ITGB8: variants seen among roughly 807,000 people sequenced by gnomAD.
ITGB8 encodes integrin subunit beta 8, also known as integrin beta-8.
In ITGB8, 30 loss-of-function variants were observed where a neutral mutation model predicts 89.5. The observed-to-expected ratio is 0.34, with a 90% CI of 0.25 to 0.45. The LOEUF is 0.45. Among genes scored for constraint, ITGB8 ranks in the 20% least tolerant of loss-of-function variants. The pLI is 1.00. For missense variants in ITGB8, 836 were observed against 933.3 expected (o/e 0.90, Z 1.36); for synonymous variants, 335 against 320.4 (o/e 1.05, Z -0.49).
At chr7:20,346,091 G>A (rs1784913167) in intron 1 of ITGB8, among the ~76,000 whole-genome samples, 1 of 152,152 alleles carries the variant, frequency 6.6e-6, no homozygotes, top group South Asian at 2.1e-4. Context: ...CTGGGGGTGG[G>A]ATGATTAGGG....
chr7:20,378,316 C>G (rs1019574244), intron 3 of ITGB8, among the ~76,000 whole-genome samples: 1 of 152,156 alleles, frequency 6.6e-6, no homozygotes, highest in African/African-American at 2.4e-5. Context: ...CTCATGGGCC[C>G]CCTCCTCAGC....
At chr7:20,397,194 T>C (rs776044597) in intron 8 of ITGB8, among the ~76,000 whole-genome samples, 1 of 151,610 alleles carries the variant, frequency 6.6e-6, no homozygotes, top group Non-Finnish European at 1.5e-5. Flanking sequence ...TGAAAAACAT[T>C]GGCCTAACTA....
intron 3 of ITGB8, among the ~76,000 whole-genome samples, chr7:20,369,242 T>C (rs1244612978): frequency 1.3e-5 from 2 of 152,138 alleles, no homozygotes; most frequent in East Asian, 3.9e-4. Flanking sequence ...AATAGAAAAA[T>C]AATAAACAGT....
intron 3 of ITGB8, among the ~76,000 whole-genome samples, chr7:20,376,867 C>T (rs1019291741): frequency 2.6e-5 from 4 of 152,210 alleles, no homozygotes; most frequent in African/African-American, 9.7e-5. Context: ...TCTACCAAGG[C>T]CTCAGCTGAC....
rs1348493536 is a variant in ITGB8 at position 20,382,474 on chromosome 7, A to C, written c.960+589A>C. Among the ~76,000 whole-genome samples, 8 of 152,344 alleles carry C rather than the reference A, an allele frequency of 5.3e-5. No homozygotes were observed. The South Asian group carries it at 1.7e-3, about 32-fold the overall frequency. On this transcript the variant is annotated intron_variant, in intron 6 of 13. Transcript: ENST00000222573. ...TCATATATTTAATATAATCACCTAGAACCATATCTTCCCTGGCATTATCTA... is the reference window on the plus strand; with the variant it reads ...TCATATATTTAATATAATCACCTAGCACCATATCTTCCCTGGCATTATCTA...
intron 3 of ITGB8, among the ~76,000 whole-genome samples, chr7:20,370,706 G>A (rs900071728): frequency 2.0e-5 from 3 of 151,856 alleles, no homozygotes; most frequent in Non-Finnish European, 4.4e-5. Flanking sequence ...TGCCTCCTGG[G>A]TTCAAGTAAT....
intron 1 of ITGB8, among the ~76,000 whole-genome samples, chr7:20,337,454 AACG>A (rs201646941): frequency 1.3e-3 from 205 of 152,298 alleles, no homozygotes; most frequent in African/African-American, 4.6e-3. Flanking sequence ...AAAAAATAAC[AACG>A]ATTAAGTTTT....
At chr7:20,378,996 T>C in intron 3 of ITGB8, 55 bp from the exon 4 acceptor site, 1 of 1,425,412 alleles carries the variant, frequency 7.0e-7, no homozygotes, top group Non-Finnish European at 9.4e-7. Flanking sequence ...ATTAAGAGCT[T>C]ATCCTGAAAA....
At chr7:20,337,550 T>G (rs1418973301) in intron 1 of ITGB8, among the ~76,000 whole-genome samples, 1 of 152,254 alleles carries the variant, frequency 6.6e-6, no homozygotes. Context: ...TACAACCCTG[T>G]TAGTTATATA....
chr7:20,365,363 T>A (rs1444809821), intron 2 of ITGB8: 1 of 152,172 alleles, frequency 6.6e-6, no homozygotes, highest in East Asian at 1.9e-4. Flanking sequence ...TGCAGCCTAG[T>A]TTATGTATTG....
intron 1 of ITGB8, among the ~76,000 whole-genome samples, chr7:20,338,478 C>T (rs1359049263): frequency 6.6e-6 from 1 of 151,832 alleles, no homozygotes; most frequent in East Asian, 1.9e-4. Flanking sequence ...ACTAAAAATA[C>T]AAAAATTAGC....
At chr7:20,369,074 AG>A (rs1328236052) in intron 3 of ITGB8, among the ~76,000 whole-genome samples, 1 of 152,194 alleles carries the variant, frequency 6.6e-6, no homozygotes, top group South Asian at 2.1e-4. Context: ...TGAATTTAAG[AG>A]TAAGTTGTTA....
rs1410385503 is a variant in ITGB8, at chr7:20,412,753, T to A, written c.*2756T>A. On this transcript the variant is annotated 3_prime_UTR_variant, in exon 14 of 14. Transcript: ENST00000222573. Reference sequence around the variant, plus strand: ...TTGTATTTTACTTGAATAATTGATATCTTCCTGTGTAATGATTTGTGAGAT... The same window carrying A: ...TTGTATTTTACTTGAATAATTGATAACTTCCTGTGTAATGATTTGTGAGAT... The A allele has an allele frequency of 2.0e-5, 3 of 152,608 alleles. No homozygotes were observed. The highest frequency in any genetic ancestry group is 7.2e-5 in the African/African-American group (3 of 41,442). 9.5% of individuals were successfully genotyped at this position (152,608 alleles called of 1,614,324 possible).
chr7:20,349,166 C>T (rs1388394315), intron 1 of ITGB8, among the ~76,000 whole-genome samples: 1 of 151,944 alleles, frequency 6.6e-6, no homozygotes, highest in Non-Finnish European at 1.5e-5. Context: ...ATTCAGAGTT[C>T]CTTTTTGTCT....
intron 6 of ITGB8, 145 bp downstream of exon 6, chr7:20,382,030 G>A (rs758218436): frequency 1.5e-6 from 1 of 653,086 alleles, no homozygotes; most frequent in Non-Finnish European, 2.6e-6. Context: ...AGAATTTATG[G>A]AACAGTGCAA....
At chr7:20,394,463 T>G (rs1172825646) in intron 7 of ITGB8, among the ~76,000 whole-genome samples, 1 of 152,256 alleles carries the variant, frequency 6.6e-6, no homozygotes, top group African/African-American at 2.4e-5. Flanking sequence ...ATTTCTAGAT[T>G]GCAGGCCTAC....
At chr7:20,352,350 A>C (rs187822387) in intron 1 of ITGB8, 1 of 152,346 alleles carries the variant, frequency 6.6e-6, no homozygotes, top group Admixed American at 6.5e-5. Context: ...TATTCAGCTA[A>C]ATAAGCAACT....
At chr7:20,332,051 A>AGGGGGC in intron 1 of ITGB8, 118 bp downstream of exon 1, 1 of 1,479,936 alleles carries the variant, frequency 6.8e-7, no homozygotes. Context: ...GAGAACTTCA[A>AGGGGGC]GGGGGCGGGT....
intron 1 of ITGB8, among the ~76,000 whole-genome samples, chr7:20,356,312 T>A (rs1785292599): frequency 1.3e-5 from 2 of 152,184 alleles, no homozygotes; most frequent in African/African-American, 4.8e-5. Context: ...TTAATTTTTA[T>A]ATTAAATAAT....
Sources: allele counts gnomAD v4.1 joint callset (sites outside exome capture counted in the v4.1 genomes callset), GRCh38; gene constraint gnomAD v4.1.1; transcripts MANE v1.5; gene names NCBI Gene and HGNC (gene_info 2026-07-23, HGNC 2026-07-21).